Variants in TMEM71 observed in about 807,000 individuals in gnomAD.
TMEM71 encodes the protein transmembrane protein 71.
In TMEM71, 44 loss-of-function variants were observed where a neutral mutation model predicts 38.0. The observed-to-expected ratio is 1.16, with a 90% CI of 0.91 to 1.49. TMEM71 has a LOEUF of 1.49. Ranked by LOEUF, TMEM71 falls within the 40% of genes most tolerant of loss-of-function variation. TMEM71 has a pLI of 0.00. For synonymous variants in TMEM71, 133 were observed against 122.5 expected, an observed-to-expected ratio of 1.09 and a Z score of -0.56; for missense variants, 367 against 348.6, an observed-to-expected ratio of 1.05 and a Z score of -0.42.
chr8:132,755,707 A>G (rs1175435763), intron 3 of TMEM71, among the ~76,000 whole-genome samples: 1 of 152,216 alleles, frequency 6.6e-6, no homozygotes, highest in African/African-American at 2.4e-5. Context: ...TTTTACATCT[A>G]AAAGCTTATA....
At chr8:132,708,900 T>C (rs1253266567), downstream of TMEM71, among the ~76,000 whole-genome samples, 3 of 152,064 alleles carry the variant, frequency 2.0e-5, no homozygotes, top group Non-Finnish European at 2.9e-5. Context: ...GCAAGCAGTC[T>C]CTAGGTTTTA....
At chr8:132,705,853 T>G (rs1327997984), downstream of TMEM71, among the ~76,000 whole-genome samples, 3 of 152,198 alleles carry the variant, frequency 2.0e-5, no homozygotes, top group African/African-American at 7.2e-5. Flanking sequence ...ATCTCTAAAA[T>G]TTATTAGGCA....
At chr8:132,728,071 G>T in intron 5 of TMEM71, 85 bp from the exon 6 acceptor site, 1 of 1,029,974 alleles carries the variant, frequency 9.7e-7, no homozygotes, top group Non-Finnish European at 1.4e-6. Context: ...TCAATGCACA[G>T]TTAGTTCCTA....
intron 5 of TMEM71, among the ~76,000 whole-genome samples, chr8:132,734,469 G>A (rs1827635235): frequency 6.6e-6 from 1 of 152,170 alleles, no homozygotes; most frequent in African/African-American, 2.4e-5. Flanking sequence ...GGTAGATGTG[G>A]ACGAGACTGT....
At chr8:132,747,591 G>A (rs1329874358) in intron 4 of TMEM71, among the ~76,000 whole-genome samples, 2 of 152,130 alleles carry the variant, frequency 1.3e-5, no homozygotes, top group Admixed American at 6.5e-5. Context: ...CTGCCTCCAC[G>A]GTCTTTGCTT....
At chr8:132,727,628 A>G (rs1827219250) in intron 6 of TMEM71, among the ~76,000 whole-genome samples, 170 bp downstream of exon 6, 1 of 152,208 alleles carries the variant, frequency 6.6e-6, no homozygotes, top group Non-Finnish European at 1.5e-5. Context: ...AAAGGCAGTC[A>G]TCTCCTCTGC....
intron 7 of TMEM71, among the ~76,000 whole-genome samples, chr8:132,717,515 G>A (rs559033400): frequency 6.6e-6 from 1 of 152,228 alleles, no homozygotes; most frequent in Admixed American, 6.5e-5. Flanking sequence ...ATCCATCAGG[G>A]AAATGCAAAT....
chr8:132,727,963 GAGA>G lies in TMEM71; in HGVS notation c.508_510del (p.Ser170del), dbSNP rs1191887683. 9 of 1,613,262 alleles carry G rather than the reference GAGA, an allele frequency of 5.6e-6. No homozygotes were observed. The Admixed American group carries it at 1.3e-4, about 24-fold the overall frequency. ...TTCCCTGACTCCCAGTCATCAGTCAGAGAAGAACAGTCTAAATCATCTGCTGAA... is the reference window on the plus strand; with the variant it reads ...TTCCCTGACTCCCAGTCATCAGTCAGAGAACAGTCTAAATCATCTGCTGAA... On this transcript the variant is annotated inframe_deletion, in exon 6 of 10. Coordinates refer to ENST00000677595, the MANE Select transcript of TMEM71 (RefSeq NM_001382403.1).
intron 5 of TMEM71, among the ~76,000 whole-genome samples, chr8:132,746,115 A>T (rs1043123212): frequency 1.3e-5 from 2 of 150,132 alleles, no homozygotes; most frequent in Non-Finnish European, 3.0e-5. Flanking sequence ...AAACCTCAAC[A>T]TCACATAATA....
chr8:132,746,841 A>C (rs1056241050), intron 5 of TMEM71, 101 bp downstream of exon 5: 1 of 964,786 alleles, frequency 1.0e-6, no homozygotes, highest in African/African-American at 1.7e-5. Flanking sequence ...CTCCATCAAA[A>C]TGACTGTCAT....
At chr8:132,772,408 G>A in the TMEM71 span, among the ~76,000 whole-genome samples, 3 of 152,170 alleles carry the variant, frequency 2.0e-5, no homozygotes, top group Admixed American at 6.5e-5. Context: ...CTGGAACAGG[G>A]TGTGCTGGGT....
rs1586784623 is a variant in TMEM71, at chr8:132,718,025, T to G, written c.753-3810A>C. 3.3e-5 allele frequency among the ~76,000 whole-genome samples: 5 copies of G among 152,168 alleles called. No homozygotes were observed. The East Asian group carries it at 9.6e-4, about 29-fold the overall frequency. Reference sequence around the variant, plus strand: ...ACATATTGTATAACTCTATAGGAAATGTCCAGAATAGACAAATTCACAGAG... The same window carrying G: ...ACATATTGTATAACTCTATAGGAAAGGTCCAGAATAGACAAATTCACAGAG... On this transcript the variant is annotated intron_variant, in intron 7 of 9. Coordinates refer to ENST00000677595, the MANE Select transcript of TMEM71 (RefSeq NM_001382403.1).
chr8:132,757,562 C>A (rs1829095080), intron 2 of TMEM71, among the ~76,000 whole-genome samples: 1 of 152,098 alleles, frequency 6.6e-6, no homozygotes, highest in Non-Finnish European at 1.5e-5. Context: ...CGCAGTGTCT[C>A]ACTCCTGTAA....
In TMEM71 at chr8:132,709,998, A is replaced by G. The variant is rs1826158782; in HGVS notation, c.*969T>C. Reference sequence around the variant, plus strand: ...TTTATTTTTTAACCAAAAATGTACTAAATGCAAATTATATATAAAGTTATA... The same window carrying G: ...TTTATTTTTTAACCAAAAATGTACTGAATGCAAATTATATATAAAGTTATA... On this transcript the variant is annotated 3_prime_UTR_variant, in exon 10 of 10. Transcript: ENST00000677595. 2 of 152,168 alleles carry G rather than the reference A, an allele frequency of 1.3e-5. No individual in the cohort carries two copies. Among genetic ancestry groups the G allele is most frequent in the Non-Finnish European group, 2.9e-5 (2 of 68,034 alleles). The allele number at this position is 152,168 out of a possible 1,614,324, so 9.4% of individuals were successfully genotyped here.
chr8:132,739,235 G>A (rs1356629706), intron 5 of TMEM71, among the ~76,000 whole-genome samples: 1 of 152,218 alleles, frequency 6.6e-6, no homozygotes, highest in Non-Finnish European at 1.5e-5. Flanking sequence ...GGAAAACAAA[G>A]CCCTTCCGGG....
At chr8:132,757,351 A>T (rs1829083472) in intron 2 of TMEM71, 57 bp from the exon 3 acceptor site, 1 of 1,233,500 alleles carries the variant, frequency 8.1e-7, no homozygotes, top group Non-Finnish European at 1.2e-6. Flanking sequence ...ACAGTTACAT[A>T]TGTTGATACA....
intron 5 of TMEM71, among the ~76,000 whole-genome samples, chr8:132,745,798 G>C (rs1208853839): frequency 6.6e-6 from 1 of 151,040 alleles, no homozygotes; most frequent in Non-Finnish European, 1.5e-5. Flanking sequence ...ATTGAATGAA[G>C]AAAATGGTAC....
chr8:132,751,515 G>T (rs1416633167), intron 4 of TMEM71, among the ~76,000 whole-genome samples: 2 of 152,174 alleles, frequency 1.3e-5, no homozygotes, highest in Admixed American at 6.5e-5. Flanking sequence ...TTTCATGCTG[G>T]CTATGCCCAT....
chr8:132,756,738 C>G (rs1015462044), intron 3 of TMEM71, among the ~76,000 whole-genome samples: 1 of 151,800 alleles, frequency 6.6e-6, no homozygotes, highest in African/African-American at 2.4e-5. Context: ...AGGCACATAC[C>G]ATCATGCCCG....
Sources: allele counts gnomAD v4.1 joint callset (sites outside exome capture counted in the v4.1 genomes callset), GRCh38; gene constraint gnomAD v4.1.1; transcripts MANE v1.5; gene names NCBI Gene and HGNC (gene_info 2026-07-23, HGNC 2026-07-21).